The following SNTG1 variants were observed in gnomAD, a reference collection of about 807,000 sequenced individuals.
SNTG1 encodes syntrophin gamma 1.
A neutral mutation model predicts 74.7 loss-of-function variants in SNTG1; 39 were observed. The ratio of observed to expected loss-of-function variants is 0.52; its 90% confidence interval spans 0.40 to 0.68. The LOEUF is 0.68. Ranked by LOEUF, SNTG1 falls within the 30% of genes least tolerant of loss-of-function variation. The pLI, the probability that SNTG1 is intolerant of heterozygous loss-of-function variation, is 0.00. For missense variants in SNTG1, 685 were observed against 609.5 expected, an observed-to-expected ratio of 1.12 and a Z score of -1.30; for synonymous variants, 254 against 217.1, an observed-to-expected ratio of 1.17 and a Z score of -1.49.
chr8:49,939,891 C>T (rs1237692219), intron 1 of SNTG1, among the ~76,000 whole-genome samples: 1 of 152,082 alleles, frequency 6.6e-6, no homozygotes, highest in African/African-American at 2.4e-5. Flanking sequence ...CATCTCTTTT[C>T]TGCCTTTTAC....
At chr8:50,090,368 C>G (rs1796998165) in intron 1 of SNTG1, among the ~76,000 whole-genome samples, 1 of 152,150 alleles carries the variant, frequency 6.6e-6, no homozygotes, top group South Asian at 2.1e-4. Flanking sequence ...TGCAGTTTCT[C>G]TCACTTTGTT....
intron 2 of SNTG1, among the ~76,000 whole-genome samples, chr8:50,308,327 C>A (rs544151943): frequency 6.6e-6 from 1 of 151,996 alleles, no homozygotes; most frequent in African/African-American, 2.4e-5. Context: ...CTTCCATAGT[C>A]GTGAGAGGCT....
At chr8:50,544,341 T>A (rs2623213) in intron 11 of SNTG1, among the ~76,000 whole-genome samples, 54,379 of 151,618 alleles carry the variant, frequency 0.36, 11,972 homozygotes, top group African/African-American at 0.63. Flanking sequence ...ATACTTAAAA[T>A]CGTATGTTAG....
chr8:50,708,130 G>A (rs569602912), intron 16 of SNTG1: 2 of 204,692 alleles, frequency 9.8e-6, no homozygotes, highest in East Asian at 2.1e-4. Context: ...GAACCCAACA[G>A]ACAGAGGTTG....
At chr8:50,577,752 T>A (rs1375857915) in intron 12 of SNTG1, among the ~76,000 whole-genome samples, 1 of 152,222 alleles carries the variant, frequency 6.6e-6, no homozygotes, top group Non-Finnish European at 1.5e-5. Context: ...ATTTCCATTA[T>A]TGTTGCACTG....
At chr8:50,780,016 T>A (rs539290271) in intron 18 of SNTG1, among the ~76,000 whole-genome samples, 123 of 152,298 alleles carry the variant, frequency 8.1e-4, no homozygotes, top group Non-Finnish European at 9.7e-4. Flanking sequence ...TATTGATTTG[T>A]GTATACTGAA....
chr8:50,435,877 A>G (rs1489063052), intron 4 of SNTG1, among the ~76,000 whole-genome samples: 1 of 152,172 alleles, frequency 6.6e-6, no homozygotes, highest in Non-Finnish European at 1.5e-5. Context: ...TTGATTTGGA[A>G]CATGTTCTAA....
chr8:50,783,549 A>G (rs186638997), intron 18 of SNTG1, among the ~76,000 whole-genome samples: 70 of 152,288 alleles, frequency 4.6e-4, no homozygotes, highest in African/African-American at 1.5e-3. Flanking sequence ...AGCCCGTGGG[A>G]AAAGCACAGT....
Position 50,148,452 on chromosome 8 carries a change from C to T in SNTG1, c.-102-24109C>T, listed in dbSNP as rs2081948749. 3.3e-5 allele frequency among the ~76,000 whole-genome samples: 5 copies of T among 152,098 alleles called. No individual in the cohort carries two copies. In the South Asian group the frequency reaches 8.3e-4, roughly 25 times the overall value. ...CTTTAACTTCTAGGGTACATGTGCA[C>T]AACGTGCAGGTTTGTTACATATGTA... On this transcript the variant is annotated intron_variant, in intron 1 of 18. Transcript: ENST00000642720.
chr8:50,149,303 A>T (rs964315526), intron 1 of SNTG1, among the ~76,000 whole-genome samples: 29 of 152,164 alleles, frequency 1.9e-4, no homozygotes, highest in Non-Finnish European at 4.1e-4. Flanking sequence ...ACTTTGCAAG[A>T]TGAGTAGATT....
chr8:50,023,346 A>C (rs1326372039), intron 1 of SNTG1, among the ~76,000 whole-genome samples: 1 of 152,162 alleles, frequency 6.6e-6, no homozygotes, highest in East Asian at 1.9e-4. Context: ...ATAGCTATGG[A>C]TTTGAATAAA....
At chr8:50,540,884 C>T (rs981808546) in intron 11 of SNTG1, among the ~76,000 whole-genome samples, 5 of 151,884 alleles carry the variant, frequency 3.3e-5, no homozygotes, top group Non-Finnish European at 5.9e-5. Flanking sequence ...ATAAAATATG[C>T]CCCTTCTGCA....
chr8:50,523,716 T>C (rs2094198387), intron 9 of SNTG1, among the ~76,000 whole-genome samples: 3 of 152,064 alleles, frequency 2.0e-5, no homozygotes, highest in South Asian at 2.1e-4. Flanking sequence ...ATAATAATAA[T>C]GAAAAAGTTG....
intron 1 of SNTG1, among the ~76,000 whole-genome samples, chr8:50,116,095 T>A (rs1055291296): frequency 1.3e-5 from 2 of 152,236 alleles, no homozygotes; most frequent in Middle Eastern, 3.4e-3. Context: ...TTTATTTAAT[T>A]CTTTATAAAA....
chr8:50,165,021 T>G (rs926385563), intron 1 of SNTG1, among the ~76,000 whole-genome samples: 1 of 152,042 alleles, frequency 6.6e-6, no homozygotes, highest in African/African-American at 2.4e-5. Context: ...TGCTTCCCCC[T>G]CCCCAGCAGG....
chr8:50,583,840 G>A (rs2094628649), intron 12 of SNTG1, among the ~76,000 whole-genome samples: 1 of 150,278 alleles, frequency 6.7e-6, no homozygotes, highest in Non-Finnish European at 1.5e-5. Context: ...TGTTACATAT[G>A]TATACATGGG....
At chr8:50,395,509 T>G (rs932091226) in intron 3 of SNTG1, among the ~76,000 whole-genome samples, 1 of 149,092 alleles carries the variant, frequency 6.7e-6, no homozygotes, top group Non-Finnish European at 1.5e-5. Context: ...AATTTCTGTT[T>G]TTTTTTTTTT....
intron 15 of SNTG1, among the ~76,000 whole-genome samples, chr8:50,672,954 C>T (rs1445714905): frequency 9.9e-5 from 15 of 152,130 alleles, no homozygotes. Context: ...ATCCTTTTCC[C>T]ATGCTTGTTT....
At chr8:50,000,992 TAAAC>T (rs1814690552) in intron 1 of SNTG1, among the ~76,000 whole-genome samples, 2 of 152,176 alleles carry the variant, frequency 1.3e-5, no homozygotes, top group African/African-American at 4.8e-5. Flanking sequence ...ATGTTAAAGA[TAAAC>T]AAAGCAGGAC....
Sources: allele counts gnomAD v4.1 joint callset (sites outside exome capture counted in the v4.1 genomes callset), GRCh38; gene constraint gnomAD v4.1.1; transcripts MANE v1.5; gene names NCBI Gene and HGNC (gene_info 2026-07-23, HGNC 2026-07-21).